Variants in SKIC3 observed in about 807,000 individuals in gnomAD.
SKIC3 encodes SKI3 subunit of superkiller complex.
chr5:95,522,991 T>G, the SKIC3 span, among the ~76,000 whole-genome samples: 1 of 152,154 alleles, frequency 6.6e-6, no homozygotes, highest in Non-Finnish European at 1.5e-5. Context: ...AGACTTCAAT[T>G]CACTAATCTG....
the SKIC3 span, chr5:95,543,255 G>C: frequency 3.7e-6 from 6 of 1,614,032 alleles, no homozygotes; most frequent in African/African-American, 6.7e-5. Flanking sequence ...TGATCAGGTT[G>C]TTCTAGTTCA....
the SKIC3 span, among the ~76,000 whole-genome samples, chr5:95,551,217 T>C: frequency 2.0e-5 from 3 of 152,142 alleles, no homozygotes; most frequent in Admixed American, 1.3e-4. Context: ...ACTACACATC[T>C]ACAAATTCTA....
At chr5:95,527,473 C>T in the SKIC3 span, among the ~76,000 whole-genome samples, 1 of 152,118 alleles carries the variant, frequency 6.6e-6, no homozygotes, top group East Asian at 1.9e-4. Context: ...CAGTAATAGT[C>T]TTTACCTGAC....
At chr5:95,532,855 C>T in the SKIC3 span, among the ~76,000 whole-genome samples, 1 of 152,056 alleles carries the variant, frequency 6.6e-6, no homozygotes. Flanking sequence ...CTATGAAATT[C>T]TGTTTCTTAA....
At chr5:95,492,458 A>G in the SKIC3 span, among the ~76,000 whole-genome samples, 1 of 150,872 alleles carries the variant, frequency 6.6e-6, no homozygotes, top group African/African-American at 2.4e-5. Flanking sequence ...AAAACGGTGA[A>G]ACCCCGTCTC....
the SKIC3 span, among the ~76,000 whole-genome samples, chr5:95,488,444 T>A: frequency 4.6e-5 from 7 of 152,048 alleles, no homozygotes; most frequent in Non-Finnish European, 7.4e-5. Context: ...GAGAAGAGCA[T>A]ACTACTTATA....
the SKIC3 span, among the ~76,000 whole-genome samples, chr5:95,473,510 A>G: frequency 9.7e-3 from 1,470 of 152,300 alleles, 22 homozygotes; most frequent in African/African-American, 0.033. Flanking sequence ...TCCTAGGCTC[A>G]AGTGATCCAC....
the SKIC3 span, chr5:95,523,427 T>A: frequency 7.4e-7 from 1 of 1,351,022 alleles, no homozygotes; most frequent in Non-Finnish European, 1.0e-6. Flanking sequence ...TCACTTCTGA[T>A]TTTTTAAACT....
chr5:95,470,503 A>G, the SKIC3 span, among the ~76,000 whole-genome samples: 4 of 152,202 alleles, frequency 2.6e-5, no homozygotes, highest in African/African-American at 9.6e-5. Context: ...AATAAAATCT[A>G]TCAGTCTTGT....
chr5:95,543,385 C>T, the SKIC3 span: 1 of 1,572,462 alleles, frequency 6.4e-7, no homozygotes, highest in South Asian at 1.1e-5. Flanking sequence ...AATGAACTAA[C>T]AATAACAGAA....
the SKIC3 span, among the ~76,000 whole-genome samples, chr5:95,511,418 A>C: frequency 6.6e-6 from 1 of 152,176 alleles, no homozygotes; most frequent in Non-Finnish European, 1.5e-5. Context: ...GTCTCAAAAA[A>C]TAAATAAATA....
At chr5:95,484,630 A>T in the SKIC3 span, 1 of 1,559,880 alleles carries the variant, frequency 6.4e-7, no homozygotes, top group Non-Finnish European at 8.8e-7. Flanking sequence ...TACAGGAGTG[A>T]GCCACCGCAT....
At chr5:95,551,720 C>A in the SKIC3 span, among the ~76,000 whole-genome samples, 1 of 152,124 alleles carries the variant, frequency 6.6e-6, no homozygotes, top group African/African-American at 2.4e-5. Context: ...AAGGCTTACC[C>A]TAGTTGAGAG....
chr5:95,503,963 T>A, the SKIC3 span: 1 of 1,612,620 alleles, frequency 6.2e-7, no homozygotes, highest in Non-Finnish European at 8.5e-7. Context: ...ACAACTTACT[T>A]TTAATATCAA....
At chr5:95,472,077 T>C in the SKIC3 span, among the ~76,000 whole-genome samples, 1 of 152,144 alleles carries the variant, frequency 6.6e-6, no homozygotes, top group African/African-American at 2.4e-5. Context: ...TCTCTCCACA[T>C]CCTCTAGCAA....
the SKIC3 span, among the ~76,000 whole-genome samples, chr5:95,505,780 T>G: frequency 2.0e-5 from 3 of 149,316 alleles, no homozygotes; most frequent in African/African-American, 7.5e-5. Context: ...GCCACTGCAC[T>G]CCAGCTTGGG....
the SKIC3 span, among the ~76,000 whole-genome samples, chr5:95,499,212 C>T: frequency 6.6e-6 from 1 of 152,092 alleles, no homozygotes; most frequent in East Asian, 1.9e-4. Context: ...CCAGTGTTGG[C>T]GGTGGGTCTA....
the SKIC3 span, chr5:95,497,264 T>C: frequency 2.7e-6 from 2 of 753,748 alleles, no homozygotes; most frequent in South Asian, 1.6e-5. Flanking sequence ...CTAGTATTCG[T>C]TGAATGACTA....
At chr5:95,526,507 T>G in the SKIC3 span, among the ~76,000 whole-genome samples, 1 of 150,968 alleles carries the variant, frequency 6.6e-6, no homozygotes, top group South Asian at 2.1e-4. Context: ...AGAGTCTCGC[T>G]TCGATGCCCA....
Sources: gnomAD v4.1 joint callset for allele counts (sites outside exome capture counted in the v4.1 genomes callset) on GRCh38, gnomAD v4.1.1 for gene constraint, MANE v1.5 for transcripts, NCBI Gene and HGNC (gene_info 2026-07-23, HGNC 2026-07-21) for gene names.